NAALADL2: variants seen among roughly 807,000 people sequenced by gnomAD.
NAALADL2 encodes the protein N-acetylated alpha-linked acidic dipeptidase like 2, also known as inactive N-acetylated-alpha-linked acidic dipeptidase-like protein 2.
Under a neutral mutation model 87.2 loss-of-function variants are expected in NAALADL2, and 76 were observed. The observed-to-expected ratio is 0.87, with a 90% CI of 0.72 to 1.05. The LOEUF (loss-of-function observed/expected upper bound fraction) is 1.05, where lower values mean the gene tolerates loss of function less well. Ranked by LOEUF, NAALADL2 falls within the 50% of genes least tolerant of loss-of-function variation. NAALADL2 has a pLI of 0.00. For missense variants in NAALADL2, 1,089 were observed against 945.8 expected, an observed-to-expected ratio of 1.15 and a Z score of -1.99; for synonymous variants, 354 against 331.0, an observed-to-expected ratio of 1.07 and a Z score of -0.75.
At chr3:175,400,593 G>C (rs753672506) in intron 5 of NAALADL2, among the ~76,000 whole-genome samples, 11 of 152,120 alleles carry the variant, frequency 7.2e-5, no homozygotes, top group Non-Finnish European at 7.4e-5. Flanking sequence ...AAAGCATTAA[G>C]GTGGGTTTGT....
intron 4 of NAALADL2, among the ~76,000 whole-genome samples, chr3:175,300,461 C>A (rs924117846): frequency 1.3e-5 from 2 of 152,102 alleles, no homozygotes; most frequent in Admixed American, 1.3e-4. Context: ...GCCTCAATTT[C>A]AGAACTTGTT....
intron 1 of NAALADL2, among the ~76,000 whole-genome samples, chr3:175,081,670 G>T (rs1717851717): frequency 6.6e-6 from 1 of 151,910 alleles, no homozygotes; most frequent in South Asian, 2.1e-4. Context: ...TTTTATTTAA[G>T]GCTTCAAAGC....
At chr3:175,782,194 G>C (rs1385762122) in intron 13 of NAALADL2, among the ~76,000 whole-genome samples, 1 of 140,912 alleles carries the variant, frequency 7.1e-6, no homozygotes, top group African/African-American at 2.7e-5. Flanking sequence ...ATAGCAGCAT[G>C]ATTTATAGTC....
chr3:175,401,440 A>T (rs1033440024), intron 5 of NAALADL2, among the ~76,000 whole-genome samples: 2 of 152,144 alleles, frequency 1.3e-5, no homozygotes, highest in Admixed American at 1.3e-4. Context: ...ATTTATGTAC[A>T]TACAATCAAG....
intron 1 of NAALADL2, among the ~76,000 whole-genome samples, chr3:175,094,753 CTATAGTGTGTGTGTGTGTGTG>C (rs1345850683): frequency 1.5e-4 from 11 of 74,386 alleles, no homozygotes; most frequent in African/African-American, 6.6e-4. Context: ...GCACCAGACA[CTATAGTGTGTGTGTGTGTGTG>C]TGTGTGTGTG....
intron 1 of NAALADL2, among the ~76,000 whole-genome samples, chr3:174,959,238 CATG>C (rs1285135302): frequency 6.6e-6 from 1 of 152,020 alleles, no homozygotes; most frequent in Non-Finnish European, 1.5e-5. Context: ...ACTCAGCTGA[CATG>C]ATGTTACTGG....
chr3:174,917,494 T>G (rs1444287009), intron 1 of NAALADL2, among the ~76,000 whole-genome samples: 1 of 152,106 alleles, frequency 6.6e-6, no homozygotes, highest in African/African-American at 2.4e-5. Flanking sequence ...TAACATGTGG[T>G]CCAGAAAATA....
intron 11 of NAALADL2, chr3:175,675,942 G>C (rs987408406): frequency 1.3e-5 from 2 of 151,904 alleles, no homozygotes; most frequent in Non-Finnish European, 2.9e-5. Context: ...TTGTTTATAT[G>C]GTATATTGAA....
At chr3:175,205,036 A>C (rs1036326819) in intron 2 of NAALADL2, among the ~76,000 whole-genome samples, 3 of 152,146 alleles carry the variant, frequency 2.0e-5, no homozygotes, top group Admixed American at 6.5e-5. Context: ...GCCAAAAGCA[A>C]TCTACAAATT....
intron 1 of NAALADL2, among the ~76,000 whole-genome samples, chr3:174,882,252 C>T (rs1729279675): frequency 6.6e-6 from 1 of 151,852 alleles, no homozygotes; most frequent in Non-Finnish European, 1.5e-5. Flanking sequence ...ATGTGAAGAA[C>T]TTTAAAAATA....
chr3:174,718,753 A>C (rs962744170), intron 2 of NAALADL2, among the ~76,000 whole-genome samples: 1 of 152,202 alleles, frequency 6.6e-6, no homozygotes, highest in Non-Finnish European at 1.5e-5. Flanking sequence ...CAAAATAGCA[A>C]TTCTCTTACA....
chr3:175,017,327 T>C (rs1750968727), intron 1 of NAALADL2, among the ~76,000 whole-genome samples: 1 of 152,206 alleles, frequency 6.6e-6, no homozygotes, highest in Admixed American at 6.6e-5. Flanking sequence ...AAATACTTTA[T>C]ATATTCTGTT....
At chr3:175,737,582 C>T (rs150140407) in intron 12 of NAALADL2, among the ~76,000 whole-genome samples, 183 bp downstream of exon 12, 192 of 152,086 alleles carry the variant, frequency 1.3e-3, no homozygotes, top group African/African-American at 3.5e-3. Flanking sequence ...ATGAGATGCA[C>T]GGATGTGTAA....
At chr3:175,696,150 C>A (rs1737771178) in intron 11 of NAALADL2, among the ~76,000 whole-genome samples, 1 of 151,640 alleles carries the variant, frequency 6.6e-6, no homozygotes. Flanking sequence ...CTTGTGTTCA[C>A]AAAAAAAATT....
chr3:174,810,460 A>G (rs1160011044), intron 3 of NAALADL2, among the ~76,000 whole-genome samples: 1 of 152,094 alleles, frequency 6.6e-6, no homozygotes, highest in East Asian at 1.9e-4. Context: ...GCTTGGTTGG[A>G]TAGTGCCTCT....
chr3:175,068,527 C>A (rs1020601980), intron 1 of NAALADL2, among the ~76,000 whole-genome samples: 2 of 152,104 alleles, frequency 1.3e-5, no homozygotes, highest in East Asian at 1.9e-4. Flanking sequence ...TAAGGAGATT[C>A]TTCCATTCAG....
intron 11 of NAALADL2, among the ~76,000 whole-genome samples, chr3:175,664,569 G>T (rs1732698974): frequency 2.0e-5 from 3 of 151,140 alleles, no homozygotes; most frequent in Non-Finnish European, 2.9e-5. Context: ...CTGCTGAAAA[G>T]ACTCTGAATA....
At chr3:174,823,030 C>T (rs573601190) in intron 3 of NAALADL2, among the ~76,000 whole-genome samples, 10 of 152,284 alleles carry the variant, frequency 6.6e-5, no homozygotes, top group African/African-American at 2.2e-4. Flanking sequence ...TTTCGGTATA[C>T]ATTATGAATG....
chr3:175,312,620 A>G (rs1399824489), intron 4 of NAALADL2, among the ~76,000 whole-genome samples: 1 of 152,214 alleles, frequency 6.6e-6, no homozygotes, highest in East Asian at 1.9e-4. Flanking sequence ...GGCATACTTC[A>G]GTGAAAAGAT....
Sources: allele counts gnomAD v4.1 joint callset (sites outside exome capture counted in the v4.1 genomes callset), GRCh38; gene constraint gnomAD v4.1.1; transcripts MANE v1.5; gene names NCBI Gene and HGNC (gene_info 2026-07-23, HGNC 2026-07-21).